ADK: variants seen among roughly 807,000 people sequenced by gnomAD.
ADK encodes adenosine kinase.
In ADK, 24 loss-of-function variants were observed where a neutral mutation model predicts 44.7. The observed-to-expected ratio is 0.54, with a 90% CI of 0.39 to 0.76. ADK has a LOEUF of 0.76. Ranked by LOEUF, ADK falls within the 30% of genes least tolerant of loss-of-function variation. The pLI, the probability that ADK is intolerant of heterozygous loss-of-function variation, is 0.00. For synonymous variants in ADK, 128 were observed against 142.6 expected (o/e 0.90, Z 0.73); for missense variants, 321 against 425.1 (o/e 0.76, Z 2.15).
chr10:74,371,394 T>A, intron 4 of ADK: 2 of 579,694 alleles, frequency 3.5e-6, no homozygotes, highest in South Asian at 4.5e-5. Context: ...GATAACATGA[T>A]CTTATATACC....
chr10:74,351,768 A>G (rs1036240119), intron 4 of ADK, among the ~76,000 whole-genome samples: 2 of 152,152 alleles, frequency 1.3e-5, no homozygotes, highest in Admixed American at 6.6e-5. Context: ...TCTATACATC[A>G]ATAATAGACA....
At chr10:74,522,056 C>G (rs1301478672) in intron 6 of ADK, among the ~76,000 whole-genome samples, 36 of 152,136 alleles carry the variant, frequency 2.4e-4, no homozygotes, top group Non-Finnish European at 1.5e-4. Flanking sequence ...CCTCATCCAT[C>G]GCAAGGGTCA....
At chr10:74,370,029 A>G (rs766466194) in intron 4 of ADK, among the ~76,000 whole-genome samples, 2 of 152,214 alleles carry the variant, frequency 1.3e-5, no homozygotes, top group Non-Finnish European at 2.9e-5. Context: ...AATATTTTCT[A>G]TCACATAAAT....
In ADK at chr10:74,690,669, C is replaced by A. The variant is rs565168787; in HGVS notation, c.965-17652C>A. On this transcript the variant is annotated intron_variant, in intron 10 of 10. Transcript: ENST00000539909. ...ATGTCTATCTCTGCAAAATGTTATT[C>A]ATTCAACACCCAGCTCATGTCACCT... 4.6e-5 allele frequency among the ~76,000 whole-genome samples: 7 copies of A among 152,304 alleles called. No individual in the cohort carries two copies. In the East Asian group the frequency reaches 1.4e-3, roughly 29 times the overall value.
intron 3 of ADK, among the ~76,000 whole-genome samples, chr10:74,279,662 C>T (rs1846840034): frequency 1.3e-5 from 2 of 151,180 alleles, no homozygotes; most frequent in Non-Finnish European, 2.9e-5. Context: ...CTTTTTTTGC[C>T]AGTTTGATCA....
At chr10:74,525,208 A>G in intron 6 of ADK, 48 bp from the exon 7 acceptor site, 1 of 1,547,150 alleles carries the variant, frequency 6.5e-7, no homozygotes, top group South Asian at 1.1e-5. Context: ...ACTGAGAGTG[A>G]CTGTGGAGAT....
At chr10:74,305,707 A>AT (rs565191679) in intron 3 of ADK, among the ~76,000 whole-genome samples, 48 of 150,192 alleles carry the variant, frequency 3.2e-4, no homozygotes, top group Middle Eastern at 3.4e-3. Context: ...TTTTTAAGCC[A>AT]TTTTTTTTTC....
intron 7 of ADK, among the ~76,000 whole-genome samples, chr10:74,579,420 A>G (rs1851303418): frequency 6.6e-6 from 1 of 152,160 alleles, no homozygotes; most frequent in African/African-American, 2.4e-5. Flanking sequence ...CTTCTGCTGG[A>G]TGTACTGGAG....
In ADK at chr10:74,174,998, G is replaced by T. The variant is rs1842282342; in HGVS notation, c.65+23655G>T. On this transcript the variant is annotated intron_variant, in intron 1 of 10. Transcript: ENST00000539909. Reference sequence around the variant, plus strand: ...TTGTGAACTTAATTATTCTATCACAGGGACAGTGATAGGTAAAGCTAACTT... The same window carrying T: ...TTGTGAACTTAATTATTCTATCACATGGACAGTGATAGGTAAAGCTAACTT... Among the ~76,000 whole-genome samples, 4 of 152,184 alleles carry T rather than the reference G, an allele frequency of 2.6e-5. No homozygotes were observed. The South Asian group carries it at 8.3e-4, about 32-fold the overall frequency.
intron 6 of ADK, among the ~76,000 whole-genome samples, chr10:74,493,603 C>T (rs1338614919): frequency 5.4e-5 from 8 of 147,992 alleles, no homozygotes; most frequent in African/African-American, 2.0e-4. Context: ...AGGTTGGTCT[C>T]GAAATCCTGG....
intron 4 of ADK, among the ~76,000 whole-genome samples, chr10:74,391,650 TATACACACACACAC>T (rs1300216841): frequency 1.9e-4 from 25 of 134,734 alleles, no homozygotes; most frequent in East Asian, 1.5e-3. Context: ...GAGGCAAGAA[TATACACACACACAC>T]ACACACACAC....
intron 9 of ADK, among the ~76,000 whole-genome samples, chr10:74,630,470 G>A (rs1449548289): frequency 2.0e-5 from 3 of 151,584 alleles, no homozygotes; most frequent in Non-Finnish European, 4.4e-5. Context: ...GAAGAGTACT[G>A]GCCAGTTATT....
intron 9 of ADK, among the ~76,000 whole-genome samples, chr10:74,628,986 C>T (rs116720145): frequency 0.016 from 2,378 of 152,112 alleles, 71 homozygotes; most frequent in African/African-American, 0.054. Context: ...TTTGCAGTCA[C>T]AATTAGATCA....
At chr10:74,591,928 G>T (rs902696672) in intron 8 of ADK, among the ~76,000 whole-genome samples, 1 of 151,532 alleles carries the variant, frequency 6.6e-6, no homozygotes, top group Non-Finnish European at 1.5e-5. Flanking sequence ...ACCAATCCAA[G>T]CGCCTCTAAA....
chr10:74,689,903 A>G (rs1203475941), intron 10 of ADK, among the ~76,000 whole-genome samples: 1 of 152,202 alleles, frequency 6.6e-6, no homozygotes, highest in Non-Finnish European at 1.5e-5. Context: ...TTGAGCGTGC[A>G]TCAGAATCAT....
chr10:74,574,608 T>C (rs1483202099), intron 7 of ADK, among the ~76,000 whole-genome samples: 2 of 152,256 alleles, frequency 1.3e-5, no homozygotes, highest in African/African-American at 4.8e-5. Flanking sequence ...AAGATTTAAA[T>C]GCAATATTCT....
At chr10:74,266,764 A>G (rs938173643) in intron 3 of ADK, among the ~76,000 whole-genome samples, 1 of 152,146 alleles carries the variant, frequency 6.6e-6, no homozygotes, top group African/African-American at 2.4e-5. Context: ...TTTCTTTCTA[A>G]TTTTAAAGGT....
intron 7 of ADK, among the ~76,000 whole-genome samples, chr10:74,582,903 G>A (rs773902107): frequency 3.9e-5 from 6 of 152,128 alleles, no homozygotes; most frequent in African/African-American, 9.7e-5. Flanking sequence ...AGCTAGTAGA[G>A]ATACTTTTGT....
At chr10:74,605,295 C>T (rs549260783) in intron 9 of ADK, among the ~76,000 whole-genome samples, 2 of 152,190 alleles carry the variant, frequency 1.3e-5, no homozygotes, top group East Asian at 1.9e-4. Context: ...ATAGGAGTGG[C>T]GAGAGAGTGC....
Sources: gnomAD v4.1 joint callset for allele counts (sites outside exome capture counted in the v4.1 genomes callset) on GRCh38, gnomAD v4.1.1 for gene constraint, MANE v1.5 for transcripts, NCBI Gene and HGNC (gene_info 2026-07-23, HGNC 2026-07-21) for gene names.